The following LMO7 variants were observed in gnomAD, a reference collection of about 807,000 sequenced individuals.
LMO7 encodes LIM domain 7.
A neutral mutation model predicts 206.5 loss-of-function variants in LMO7; 120 were observed. That is an observed-to-expected ratio of 0.58 (90% CI 0.50 to 0.68). The LOEUF (loss-of-function observed/expected upper bound fraction) is 0.68, where lower values mean the gene tolerates loss of function less well. LMO7 is among the 30% of genes least tolerant of loss of function. The probability of loss-of-function intolerance (pLI) is 0.00; values close to 1 mark genes in which losing one functional copy is unlikely to be tolerated. For synonymous variants in LMO7, 706 were observed against 681.5 expected (o/e 1.04, Z -0.56); for missense variants, 1,959 against 1,957.9 (o/e 1.00, Z -0.01).
At chr13:75,732,080 A>G (rs148419981) in intron 3 of LMO7, among the ~76,000 whole-genome samples, 76,870 of 151,512 alleles carry the variant, frequency 0.51, 20,944 homozygotes, top group African/African-American at 0.71. Context: ...TTTCAACTTT[A>G]GTGAATCTGA....
chr13:75,792,596 C>T (rs2053459055), intron 4 of LMO7, among the ~76,000 whole-genome samples: 1 of 152,178 alleles, frequency 6.6e-6, no homozygotes, highest in Non-Finnish European at 1.5e-5. Context: ...TGAGCTTCCC[C>T]TTCACCATTG....
At chr13:75,633,936 C>T (rs1319110160), upstream of LMO7, among the ~76,000 whole-genome samples, 1 of 144,220 alleles carries the variant, frequency 6.9e-6, no homozygotes, top group Non-Finnish European at 1.5e-5. Flanking sequence ...CACCCTCTGA[C>T]TCCCTGGTTC....
intron 29 of LMO7, among the ~76,000 whole-genome samples, chr13:75,856,065 C>T (rs917510044): frequency 6.6e-6 from 1 of 152,076 alleles, no homozygotes; most frequent in African/African-American, 2.4e-5. Flanking sequence ...AATATCCAGC[C>T]TTGAAGTGAG....
At chr13:75,636,121 A>C, upstream of LMO7, 1 of 190,572 alleles carries the variant, frequency 5.2e-6, no homozygotes, top group Non-Finnish European at 9.6e-6. Context: ...CGGGAACCCC[A>C]GCGGGGCCCG....
intron 2 of LMO7, among the ~76,000 whole-genome samples, chr13:75,722,148 C>T (rs879399486): frequency 4.1e-4 from 63 of 152,096 alleles, no homozygotes; most frequent in African/African-American, 1.5e-3. Flanking sequence ...TTGGCTTAGG[C>T]AAAGACTTCA....
intron 1 of LMO7, among the ~76,000 whole-genome samples, chr13:75,675,002 GT>G (rs2039887004): frequency 1.3e-5 from 2 of 152,080 alleles, no homozygotes; most frequent in South Asian, 2.1e-4. Context: ...CAGTTTCCTA[GT>G]CCTGTTATTT....
chr13:75,775,390 T>C (rs1483163382), intron 4 of LMO7, among the ~76,000 whole-genome samples: 1 of 152,070 alleles, frequency 6.6e-6, no homozygotes, highest in Admixed American at 6.6e-5. Flanking sequence ...TTCTGGACAT[T>C]GGTCCAGGCA....
rs2042407353 is a variant in LMO7, at chr13:75,703,299, C to T, written c.70-9883C>T. ...TGAGGGTGTGTAAGCTGTATTTCAG[C>T]CAGTGAGAAGTTGGGTAAGAGCCTC... On this transcript the variant is annotated intron_variant, in intron 1 of 30. Transcript: ENST00000377534. Among the ~76,000 whole-genome samples the T allele has an allele frequency of 3.9e-5, 6 of 152,212 alleles. No homozygotes were observed. In the South Asian group the frequency reaches 1.2e-3, roughly 32 times the overall value.
chr13:75,802,328 A>G (rs914029764), intron 7 of LMO7, among the ~76,000 whole-genome samples: 2 of 152,246 alleles, frequency 1.3e-5, no homozygotes, highest in African/African-American at 4.8e-5. Context: ...TTCATAGCCC[A>G]GATGACGATT....
At chr13:75,771,078 A>AT (rs1435763656) in intron 4 of LMO7, among the ~76,000 whole-genome samples, 2 of 152,096 alleles carry the variant, frequency 1.3e-5, no homozygotes, top group Non-Finnish European at 2.9e-5. Context: ...ATTTGTGTAC[A>AT]TGATTGAGAA....
rs765115601 is a variant in LMO7 at position 75,835,301 on chromosome 13, T to A, written c.3295T>A (p.Ser1099Thr). The A allele has an allele frequency of 1.9e-5, 30 of 1,608,160 alleles. No individual in the cohort carries two copies. The highest frequency in any genetic ancestry group is 2.5e-5 in the Non-Finnish European group (29 of 1,177,224). Residue 1099 changes from serine (S) to threonine (T), a missense_variant, in exon 18 of 31, where the codon TCT (serine) becomes ACT (threonine). By Grantham distance (58) the Ser-to-Thr change is moderately conservative. Transcript: ENST00000377534. Reference protein sequence around the residue: ...IYNSEKSSNLSVTTDFSESLQ... With the variant: ...IYNSEKSSNLTVTTDFSESLQ... ...CAACTCAGAAAAATCTTCAAATCTA[T>A]CTGTAACAACTGATTTCTCCGAAAG... is the stretch of plus-strand genomic sequence containing the variant.
At chr13:75,733,628 ACCCACTGTCCTGCG>A (rs199978533) in intron 3 of LMO7, among the ~76,000 whole-genome samples, 2,063 of 135,978 alleles carry the variant, frequency 0.015, 38 homozygotes, top group Non-Finnish European at 0.025. Flanking sequence ...CGTGCACTGC[ACCCACTGTCCTGCG>A]CCCACTGTCT....
chr13:75,642,962 A>G (rs1015081101), intron 1 of LMO7, among the ~76,000 whole-genome samples: 1 of 152,232 alleles, frequency 6.6e-6, no homozygotes, highest in Non-Finnish European at 1.5e-5. Context: ...AAGCCACAAA[A>G]GGTTCAATGA....
chr13:75,700,726 G>A lies in LMO7; in HGVS notation c.70-12456G>A, dbSNP rs532736538. ...CCAAGAAGACTGCTAAGAGACTCAT[G>A]GGCAGGGAGCACATGCAGTGTGAAT... is the stretch of plus-strand genomic sequence containing the variant. On this transcript the variant is annotated intron_variant, in intron 1 of 30. Transcript: ENST00000377534. Among the ~76,000 whole-genome samples, 3 of 152,332 alleles carry A rather than the reference G, an allele frequency of 2.0e-5. No homozygotes were observed. The East Asian group carries it at 5.8e-4, about 29-fold the overall frequency.
At chr13:75,756,016 G>T (rs2047659294) in intron 3 of LMO7, among the ~76,000 whole-genome samples, 1 of 152,226 alleles carries the variant, frequency 6.6e-6, no homozygotes, top group South Asian at 2.1e-4. Flanking sequence ...CTAGAACTGA[G>T]ATGTGGTTTT....
At chr13:75,828,220 C>T (rs2058315569) in intron 15 of LMO7, among the ~76,000 whole-genome samples, 2 of 152,204 alleles carry the variant, frequency 1.3e-5, no homozygotes, top group Admixed American at 1.3e-4. Flanking sequence ...TGTGCCTTGA[C>T]ACCTTTTAAA....
chr13:75,734,604 G>A (rs1272588875), intron 3 of LMO7, among the ~76,000 whole-genome samples: 1 of 152,182 alleles, frequency 6.6e-6, no homozygotes, highest in Non-Finnish European at 1.5e-5. Context: ...CTTGATAAGG[G>A]TGTTGGTTGC....
intron 1 of LMO7, among the ~76,000 whole-genome samples, chr13:75,678,657 A>G (rs1670984840): frequency 6.6e-6 from 1 of 152,200 alleles, no homozygotes; most frequent in African/African-American, 2.4e-5. Flanking sequence ...TCCTCCTCTC[A>G]GTGTACACAT....
rs1030049111 is a variant in LMO7, at chr13:75,696,847, C to T, written c.70-16335C>T. On this transcript the variant is annotated intron_variant, in intron 1 of 30. Transcript: ENST00000377534. ...CAGGTAGACTTGGGGTGGACTGAGC[C>T]GAGGGGAGGTGTGGGGACTGCCACT... Among the ~76,000 whole-genome samples the T allele has an allele frequency of 7.9e-5, 12 of 152,120 alleles. No individual in the cohort carries two copies. In the East Asian group the frequency reaches 1.2e-3, roughly 15 times the overall value.
Sources: allele counts gnomAD v4.1 joint callset (sites outside exome capture counted in the v4.1 genomes callset), GRCh38; gene constraint gnomAD v4.1.1; transcripts MANE v1.5; gene names NCBI Gene and HGNC (gene_info 2026-07-23, HGNC 2026-07-21).